The following ADAMTS8 variants were observed in gnomAD, a reference collection of about 807,000 sequenced individuals.
The protein encoded by ADAMTS8 is A disintegrin and metalloproteinase with thrombospondin motifs 8.
Under a neutral mutation model 64.4 loss-of-function variants are expected in ADAMTS8, and 50 were observed. The observed-to-expected ratio is 0.78, with a 90% CI of 0.62 to 0.98. The LOEUF is 0.98. Ranked by LOEUF, ADAMTS8 falls within the 50% of genes least tolerant of loss-of-function variation. ADAMTS8 has a pLI of 0.00. For synonymous variants in ADAMTS8, 556 were observed against 533.6 expected (o/e 1.04, Z -0.58); for missense variants, 1,192 against 1,208.2 (o/e 0.99, Z 0.20).
At chr11:130,426,532 G>C (rs1275348218) in intron 1 of ADAMTS8, among the ~76,000 whole-genome samples, 1 of 152,140 alleles carries the variant, frequency 6.6e-6, no homozygotes, top group Non-Finnish European at 1.5e-5. Flanking sequence ...GCACATCTCT[G>C]GTTCTGTGCT....
chr11:130,423,683 C>G lies in ADAMTS8; in HGVS notation c.720+3884G>C, dbSNP rs146747702. 1.4e-3 allele frequency among the ~76,000 whole-genome samples: 215 copies of G among 152,322 alleles called. 1 individual carries two copies. Among genetic ancestry groups the G allele is most frequent in the East Asian group, 0.012 (62 of 5,168 alleles). On this transcript the variant is annotated intron_variant, in intron 1 of 8. Transcript: ENST00000257359. ...AGATGAGCGCCACTTTTCGGACCCT[C>G]TCTGCTAAGAAGAGGACTCGAAAAC...
At chr11:130,413,792 C>T (rs913184855) in intron 5 of ADAMTS8, among the ~76,000 whole-genome samples, 5 of 152,156 alleles carry the variant, frequency 3.3e-5, no homozygotes, top group African/African-American at 9.7e-5. Context: ...AGTTCAAGCA[C>T]GGGCAGGCTA....
intron 1 of ADAMTS8, among the ~76,000 whole-genome samples, chr11:130,422,041 G>C (rs1316465594): frequency 6.6e-6 from 1 of 152,226 alleles, no homozygotes; most frequent in African/African-American, 2.4e-5. Context: ...CAAACAACCT[G>C]CTCTTGAATG....
At chr11:130,412,846 C>T (rs976078975) in intron 5 of ADAMTS8, among the ~76,000 whole-genome samples, 3 of 152,068 alleles carry the variant, frequency 2.0e-5, no homozygotes, top group Non-Finnish European at 4.4e-5. Context: ...TTCTCACTTT[C>T]TTTCTACCTC....
chr11:130,428,393 A>G lies in ADAMTS8; in HGVS notation c.-107T>C. On this transcript the variant is annotated 5_prime_UTR_variant, in exon 1 of 9. Transcript: ENST00000257359. ...CGGCCGCTCTCTCCAGGAAAAGCGG[A>G]ATCAATCGGGTGCAAGGCCGACTCG... 2 of 1,182,336 alleles carry G rather than the reference A, an allele frequency of 1.7e-6. No homozygotes were observed. Among genetic ancestry groups the G allele is most frequent in the South Asian group, 4.1e-5 (2 of 49,072 alleles). 73.2% of individuals were successfully genotyped at this position (1,182,336 alleles called of 1,614,324 possible). A position where few individuals can be genotyped will look rare whatever the true frequency, so the allele number is the denominator to read the frequency against.
chr11:130,407,534 A>G (rs1029963351), intron 8 of ADAMTS8, among the ~76,000 whole-genome samples: 1 of 152,194 alleles, frequency 6.6e-6, no homozygotes, highest in Non-Finnish European at 1.5e-5. Context: ...TTCACTAGGT[A>G]GAATACAATA....
chr11:130,426,848 C>G (rs1281363747), intron 1 of ADAMTS8, among the ~76,000 whole-genome samples: 2 of 152,358 alleles, frequency 1.3e-5, no homozygotes. Context: ...CTGCGCCCCT[C>G]GCGTTTCCAC....
At position 130,416,376 on chromosome 11, in the gene ADAMTS8, C is replaced by T. The variant is rs75677242; in HGVS notation, c.1097-46G>A. ...CACTCCGCCCTGTCCTGCCTGAGGG[C>T]GCCCCACCTGGCCCAGCTAGGGACA... On this transcript the variant is annotated intron_variant, in intron 3 of 8. Coordinates refer to ENST00000257359, the MANE Select transcript of ADAMTS8 (RefSeq NM_007037.6). The surrounding 1 kb of genome is among the most constrained non-coding windows in gnomAD (Gnocchi z 4.8). The T allele has an allele frequency of 2.1e-5, 31 of 1,499,458 alleles. No homozygotes were observed. In the South Asian group the frequency reaches 3.0e-4, roughly 15 times the overall value. 92.9% of individuals were successfully genotyped at this position (1,499,458 alleles called of 1,614,324 possible).
chr11:130,425,412 C>A (rs1862150744), intron 1 of ADAMTS8, among the ~76,000 whole-genome samples: 1 of 152,098 alleles, frequency 6.6e-6, no homozygotes, highest in Non-Finnish European at 1.5e-5. Context: ...GAGAGTGAGA[C>A]AGTCTGGCCC....
At chr11:130,419,424 C>T (rs1321697276) in intron 1 of ADAMTS8, 132 bp from the exon 2 acceptor site, 1 of 1,264,584 alleles carries the variant, frequency 7.9e-7, no homozygotes, top group South Asian at 1.5e-5. Flanking sequence ...CACAATACCC[C>T]CGAGGTCTCC....
rs1861887141 is a variant in ADAMTS8 at position 130,406,515 on chromosome 11, T to C, written c.2100-387A>G. ...TAGCTCCTTGCACTGGTATACAACT[T>C]TGATTGGCCACCTCCATACCCAGAG... On this transcript the variant is annotated intron_variant, in intron 8 of 8. Coordinates refer to ENST00000257359, the MANE Select transcript of ADAMTS8 (RefSeq NM_007037.6). Among the ~76,000 whole-genome samples the C allele has an allele frequency of 2.6e-5, 4 of 152,186 alleles. No individual in the cohort carries two copies. In the South Asian group the frequency reaches 8.3e-4, roughly 32 times the overall value.
chr11:130,416,044 C>G lies in ADAMTS8; in HGVS notation c.1264+119G>C. 1 of 1,247,686 alleles carries G rather than the reference C, an allele frequency of 8.0e-7. No individual in the cohort carries two copies. The highest frequency in any genetic ancestry group is 1.1e-6 in the Non-Finnish European group (1 of 932,608). 77.3% of individuals were successfully genotyped at this position (1,247,686 alleles called of 1,614,324 possible). On this transcript the variant is annotated intron_variant, in intron 4 of 8. Transcript: ENST00000257359. The surrounding 1 kb of genome is among the most constrained non-coding windows in gnomAD (Gnocchi z 4.8). ...GGTGTGAATGCCCCAGCGTGGGAGG[C>G]TGGCCGGGGACTCAGCTCTAAGGGC...
chr11:130,416,794 CTGTT>C lies in ADAMTS8; in HGVS notation c.1096+142_1096+145del. On this transcript the variant is annotated intron_variant, in intron 3 of 8. Coordinates refer to ENST00000257359, the MANE Select transcript of ADAMTS8 (RefSeq NM_007037.6). This position sits in a 1 kb window ranked among gnomAD's most constrained non-coding sequence, Gnocchi z 4.8. ...TGTTCAGCACTGTCAAGCGCGGTAT[CTGTT>C]TGTATACAGTCACCCTGTCAAAATT... The C allele has an allele frequency of 5.4e-6, 7 of 1,300,316 alleles. No individual in the cohort carries two copies. Among genetic ancestry groups the C allele is most frequent in the Non-Finnish European group, 7.5e-6 (7 of 930,782 alleles). 80.5% of individuals were successfully genotyped at this position (1,300,316 alleles called of 1,614,324 possible).
chr11:130,428,120 T>G lies in ADAMTS8; in HGVS notation c.167A>C (p.His56Pro). 6.6e-7 allele frequency: 1 copy of G among 1,515,740 alleles called. No individual in the cohort carries two copies. The highest frequency in any genetic ancestry group is 1.2e-5 in the South Asian group (1 of 82,018). The allele number at this position is 1,515,740 out of a possible 1,614,324, so 93.9% of individuals were successfully genotyped here. ...GAAGCCCTTGCCGAAGGCGGACAGG[T>G]GGAGCGCGAGCTCGCCCGCGCTGCC... Reference protein sequence around the residue: ...LPGSAGELALHLSAFGKGFVL... With the variant: ...LPGSAGELALPLSAFGKGFVL... Residue 56 changes from histidine to proline, a missense_variant, in exon 1 of 9, where the codon CAC becomes CCC. His to Pro is a moderately conservative substitution (Grantham distance 77). Coordinates refer to ENST00000257359, the MANE Select transcript of ADAMTS8 (RefSeq NM_007037.6).
At position 130,428,242 on chromosome 11, in the gene ADAMTS8, C is replaced by CAGG; in HGVS notation, c.44_45insCCT (p.Leu21dup). ...CCAGCGGCAGCAGCAGCAGCAGCAGCAGCAGGAGCGGAGGCCACCGGGGGG... is the reference window on the plus strand; with the variant it reads ...CCAGCGGCAGCAGCAGCAGCAGCAGCAGGAGCAGGAGCGGAGGCCACCGGGGGG... On this transcript the variant is annotated inframe_insertion, in exon 1 of 9. Coordinates refer to ENST00000257359, the MANE Select transcript of ADAMTS8 (RefSeq NM_007037.6). 8.2e-7 allele frequency: 1 copy of CAGG among 1,224,938 alleles called. No individual in the cohort carries two copies. Among genetic ancestry groups the CAGG allele is most frequent in the Non-Finnish European group, 1.0e-6 (1 of 988,242 alleles). The allele number at this position is 1,224,938 out of a possible 1,614,324, so 75.9% of individuals were successfully genotyped here.
chr11:130,408,156 C>CA (rs914445608), intron 8 of ADAMTS8, among the ~76,000 whole-genome samples: 1 of 152,126 alleles, frequency 6.6e-6, no homozygotes, highest in Non-Finnish European at 1.5e-5. Flanking sequence ...TCGATTGACT[C>CA]AGAGATGACA....
chr11:130,414,994 A>T (rs944823945), intron 4 of ADAMTS8, among the ~76,000 whole-genome samples, 162 bp from the exon 5 acceptor site: 1 of 152,106 alleles, frequency 6.6e-6, no homozygotes, highest in Non-Finnish European at 1.5e-5. Context: ...AGCATGCCTA[A>T]TTTTTGACTA....
rs563901361 is a variant in ADAMTS8 at position 130,422,207 on chromosome 11, AG to A, written c.721-2916del. ...GTAACCCCAGCACTTTGGAAGGCCAAGGTGGGAGAATCACTTGAGACCAGCC... is the reference window on the plus strand; with the variant it reads ...GTAACCCCAGCACTTTGGAAGGCCAAGTGGGAGAATCACTTGAGACCAGCC... On this transcript the variant is annotated intron_variant, in intron 1 of 8. Coordinates refer to ENST00000257359, the MANE Select transcript of ADAMTS8 (RefSeq NM_007037.6). Among the ~76,000 whole-genome samples, 19 of 152,280 alleles carry A rather than the reference AG, an allele frequency of 1.2e-4. No homozygotes were observed. The East Asian group carries it at 3.7e-3, about 29-fold the overall frequency.
At chr11:130,427,474 T>TTTTTC in intron 1 of ADAMTS8, 93 bp downstream of exon 1, 1 of 811,468 alleles carries the variant, frequency 1.2e-6, no homozygotes, top group Non-Finnish European at 1.7e-6. Context: ...TTTTTTTTTT[T>TTTTTC]CTCAGAGGGA....
Sources: allele counts gnomAD v4.1 joint callset (sites outside exome capture counted in the v4.1 genomes callset), GRCh38; gene constraint gnomAD v4.1.1; non-coding constraint Gnocchi (gnomAD v3.1); transcripts MANE v1.5; gene names NCBI Gene and HGNC (gene_info 2026-07-23, HGNC 2026-07-21).